Variants in HAP1 observed in about 807,000 individuals in gnomAD.
HAP1 encodes the protein huntingtin associated protein 1.
HAP1 carries 59 observed loss-of-function variants against 60.3 expected under a neutral mutation model. That is an observed-to-expected ratio of 0.98 (90% CI 0.79 to 1.22). The LOEUF (loss-of-function observed/expected upper bound fraction) is 1.22, where lower values mean the gene tolerates loss of function less well. Among genes scored for constraint, HAP1 ranks in the 50% most tolerant of loss-of-function variants. The pLI, the probability that HAP1 is intolerant of heterozygous loss-of-function variation, is 0.00. For synonymous variants in HAP1, 346 were observed against 330.6 expected, an observed-to-expected ratio of 1.05 and a Z score of -0.50; for missense variants, 825 against 785.3, an observed-to-expected ratio of 1.05 and a Z score of -0.60.
chr17:41,727,315 G>C (rs1911735017), intron 8 of HAP1, 171 bp from the exon 9 acceptor site: 1 of 780,908 alleles, frequency 1.3e-6, no homozygotes, highest in Non-Finnish European at 2.4e-6. Context: ...ACGCTGTATG[G>C]GTAATGGGTG....
At chr17:41,718,815 G>A (rs781875410), downstream of HAP1, among the ~76,000 whole-genome samples, 7 of 152,134 alleles carry the variant, frequency 4.6e-5, no homozygotes, top group South Asian at 4.1e-4. Flanking sequence ...GTAACCTTAC[G>A]TCCACCAAGG....
rs1555587802 is a variant in HAP1, at chr17:41,724,008, G to A, written c.*693C>T. ...GGGAGCTGATGCACGTGCAATGGCT[G>A]CTGTGCATGAGTGTCACAAGGTCAT... On this transcript the variant is annotated 3_prime_UTR_variant, in exon 11 of 11. Coordinates refer to ENST00000347901, the MANE Select transcript of HAP1 (RefSeq NM_177977.3). 2 of 152,404 alleles carry A rather than the reference G, an allele frequency of 1.3e-5. No homozygotes were observed. Among genetic ancestry groups the A allele is most frequent in the East Asian group, 3.8e-4 (2 of 5,202 alleles). 9.4% of individuals were successfully genotyped at this position (152,404 alleles called of 1,614,324 possible).
At position 41,734,526 on chromosome 17, in the gene HAP1, G is replaced by A. The variant is rs782522189; in HGVS notation, c.109C>T (p.Pro37Ser). Residue 37 changes from proline to serine, a missense_variant, in exon 1 of 11, where the codon CCC becomes TCC. Physicochemically the swap from Pro to Ser is moderately conservative, Grantham distance 74. Coordinates refer to ENST00000347901, the MANE Select transcript of HAP1 (RefSeq NM_177977.3). Reference protein sequence around the residue: ...PSPSASPAPEPSAQPQARGTG... With the variant: ...PSPSASPAPESSAQPQARGTG... ...CCCCGTGCCTGCGGCTGCGCAGAGGGCTCCGGAGCGGGACTGGCTGAGGGC... is the reference window on the plus strand; with the variant it reads ...CCCCGTGCCTGCGGCTGCGCAGAGGACTCCGGAGCGGGACTGGCTGAGGGC... 8.6e-5 allele frequency: 139 copies of A among 1,611,404 alleles called. 1 individual carries two copies. Among genetic ancestry groups the A allele is most frequent in the Non-Finnish European group, 1.1e-4 (135 of 1,179,602 alleles).
rs374865343 is a variant in HAP1, at chr17:41,728,303, C to T, written c.1098G>A (p.Leu366=). The change falls in exon 7 of 11, where the codon CTG becomes CTA. Residue 366 remains leucine, a synonymous_variant. Coordinates refer to ENST00000347901, the MANE Select transcript of HAP1 (RefSeq NM_177977.3). ...CCAGCCTGAGCACCAGCACCTCCGA[C>T]AGCTCAGCCATCTGTTGGCTGGCCT... ...FSEASQQMAE[L]SEVLVLRLEN... 6 of 1,613,512 alleles carry T rather than the reference C, an allele frequency of 3.7e-6. No individual in the cohort carries two copies. The highest frequency in any genetic ancestry group is 5.1e-6 in the Non-Finnish European group (6 of 1,180,018).
rs553396757 is a variant in HAP1 at position 41,726,345 on chromosome 17, C to T, written c.1368-448G>A. On this transcript the variant is annotated intron_variant, in intron 9 of 10. Transcript: ENST00000347901. The stretch of plus-strand genomic sequence containing the variant: ...AGGAGAATCGCTTGAACCCAGGAGG[C>T]GGAGGTTGCAGTAAGCCGAGATCAC... Among the ~76,000 whole-genome samples the T allele has an allele frequency of 3.5e-3, 516 of 146,782 alleles. 6 individuals are homozygous for T. Among genetic ancestry groups the T allele is most frequent in the African/African-American group, 0.013 (507 of 39,586 alleles).
chr17:41,718,263 C>T, downstream of HAP1: 1 of 235,148 alleles, frequency 4.3e-6, no homozygotes, highest in East Asian at 8.4e-5. Context: ...CACAGAGCAT[C>T]TTCAACAAAG....
chr17:41,732,022 C>T lies in HAP1; in HGVS notation c.811G>A (p.Glu271Lys), dbSNP rs1555591185. 6.6e-7 allele frequency: 1 copy of T among 1,511,918 alleles called. No individual in the cohort carries two copies. The highest frequency in any genetic ancestry group is 1.1e-5 in the South Asian group (1 of 88,798). 93.7% of individuals were successfully genotyped at this position (1,511,918 alleles called of 1,614,324 possible). Residue 271 changes from glutamate (E) to lysine (K), a missense_variant, in exon 4 of 11, where the codon GAA (glutamate) becomes AAA (lysine). Glu to Lys is a moderately conservative substitution (Grantham distance 56). Transcript: ENST00000347901. ...TGTTCCTCTTCTGCCTCCTTTTCTT[C>T]CTCCTCCTCTTCTTCATCCTCATCC... ...EEDEDEEEEE[E>K]EKEAEEEQEE... is the part of the protein sequence containing the mutation.
chr17:41,734,219 C>T lies in HAP1; in HGVS notation c.416G>A (p.Arg139Gln). The T allele has an allele frequency of 3.8e-6, 6 of 1,599,186 alleles. No homozygotes were observed. The highest frequency in any genetic ancestry group is 5.1e-6 in the Non-Finnish European group (6 of 1,169,426). The change falls in exon 1 of 11, where the codon CGA becomes CAA. Residue 139 changes from arginine (R) to glutamine (Q), a missense_variant. Coordinates refer to ENST00000347901, the MANE Select transcript of HAP1 (RefSeq NM_177977.3). ...WKTPAAYVGR[R>Q]PGVSGPERAA... ...GCGCTCAGGGCCGGACACCCCGGGTCGCCGGCCAACGTAGGCGGCTGGCGT... is the reference window on the plus strand; with the variant it reads ...GCGCTCAGGGCCGGACACCCCGGGTTGCCGGCCAACGTAGGCGGCTGGCGT...
chr17:41,719,668 G>A (rs1911118398), downstream of HAP1, among the ~76,000 whole-genome samples: 1 of 148,016 alleles, frequency 6.8e-6, no homozygotes, highest in African/African-American at 2.5e-5. Flanking sequence ...ACTCCAGCCT[G>A]GGAGACAGGG....
intron 1 of HAP1, among the ~76,000 whole-genome samples, chr17:41,733,422 C>T (rs1196196143): frequency 6.9e-6 from 1 of 144,808 alleles, no homozygotes; most frequent in Admixed American, 7.1e-5. Context: ...CCTCCAGGCT[C>T]AGAAACTGGG....
rs782136478 is a variant in HAP1, at chr17:41,731,511, C to G, written c.1051G>C (p.Glu351Gln). The change falls in exon 6 of 11, where the codon GAG becomes CAG. Residue 351 changes from glutamate to glutamine, a missense_variant. Physicochemically the swap from Glu to Gln is conservative, Grantham distance 29 (BLOSUM62 2). Coordinates refer to ENST00000347901, the MANE Select transcript of HAP1 (RefSeq NM_177977.3). Reference sequence around the variant, plus strand: ...TACGTACAAAACTGCTCCACACACTCCAGAATGAGCATCTGTTCCTCATCC... The same window carrying G: ...TACGTACAAAACTGCTCCACACACTGCAGAATGAGCATCTGTTCCTCATCC... ...LEDEEQMLIL[E>Q]CVEQFSEASQ... 2.2e-5 allele frequency: 36 copies of G among 1,611,714 alleles called. No homozygotes were observed. Among genetic ancestry groups the G allele is most frequent in the Non-Finnish European group, 2.8e-5 (33 of 1,177,918 alleles).
rs1266581920 is a variant in HAP1 at position 41,724,888 on chromosome 17, G to A, written c.1673C>T (p.Ser558Leu). The A allele has an allele frequency of 1.9e-6, 3 of 1,612,906 alleles. No individual in the cohort carries two copies. The African/African-American group carries it at 4.0e-5, about 22-fold the overall frequency. Residue 558 changes from serine (S) to leucine (L), a missense_variant, in exon 11 of 11, where the codon TCA (serine) becomes TTA (leucine). Ser to Leu is a moderately radical substitution (Grantham distance 145, BLOSUM62 -2). Transcript: ENST00000347901. ...GCCCAAGCCGCTGGCCTCCAGGGCTGATGTCACCACGTTCATCCGCGTTGC... is the reference window on the plus strand; with the variant it reads ...GCCCAAGCCGCTGGCCTCCAGGGCTAATGTCACCACGTTCATCCGCGTTGC... ...DEATRMNVVT[S>L]ALEASGLGPS...
At position 41,724,817 on chromosome 17, in the gene HAP1, A is replaced by C; in HGVS notation, c.1744T>G (p.Trp582Gly). Reference protein sequence around the residue: ...MNYVLQQLANWQDAHYRRQLR... With the variant: ...MNYVLQQLANGQDAHYRRQLR... ...TGCCGCCTGTAATGGGCATCTTGCCAGTTGGCCAGCTGCTGGAGGACATAA... is the reference window on the plus strand; with the variant it reads ...TGCCGCCTGTAATGGGCATCTTGCCCGTTGGCCAGCTGCTGGAGGACATAA... Residue 582 changes from tryptophan (W) to glycine (G), a missense_variant, in exon 11 of 11, where the codon TGG becomes GGG. Physicochemically the swap from Trp to Gly is radical, Grantham distance 184. Transcript: ENST00000347901. The C allele has an allele frequency of 6.2e-7, 1 of 1,613,206 alleles. No individual in the cohort carries two copies. The highest frequency in any genetic ancestry group is 1.1e-5 in the South Asian group (1 of 91,084).
chr17:41,731,147 G>A (rs550099687), intron 6 of HAP1, among the ~76,000 whole-genome samples: 3 of 152,122 alleles, frequency 2.0e-5, no homozygotes, highest in Admixed American at 2.0e-4. Context: ...CTGACCTCAG[G>A]TGATCCGCCG....
chr17:41,725,991 C>G, intron 9 of HAP1, 94 bp from the exon 10 acceptor site: 1 of 929,238 alleles, frequency 1.1e-6, no homozygotes, highest in Non-Finnish European at 1.8e-6. Flanking sequence ...AGGTAGTGGC[C>G]ATGAGCAGTG....
Position 41,734,442 on chromosome 17 carries a change from G to A in HAP1, c.193C>T (p.Arg65Cys). 6.2e-7 allele frequency: 1 copy of A among 1,608,522 alleles called. No individual in the cohort carries two copies. The highest frequency in any genetic ancestry group is 8.5e-7 in the Non-Finnish European group (1 of 1,176,574). The change falls in exon 1 of 11, where the codon CGC becomes TGC. Residue 65 changes from arginine (R) to cysteine (C), a missense_variant. By Grantham distance (180) the Arg-to-Cys change is radical. Transcript: ENST00000347901. ...TCCGAGGCCGGGCGAGCTCCGGTGC[G>A]GGCTTCCGAGAGGAACTGGGATCCA... Reference protein sequence around the residue: ...TSGSQFLSEARTGARPASEAG... With the variant: ...TSGSQFLSEACTGARPASEAG...
intron 8 of HAP1, chr17:41,727,420 G>T (rs11867808): frequency 1.3e-6 from 1 of 778,918 alleles, no homozygotes; most frequent in East Asian, 2.4e-5. Flanking sequence ...TACTTCTCCC[G>T]CAGGTCCTGC....
chr17:41,719,383 A>G (rs1911107151), downstream of HAP1, among the ~76,000 whole-genome samples: 1 of 152,222 alleles, frequency 6.6e-6, no homozygotes, highest in African/African-American at 2.4e-5. Context: ...CATCATTGCC[A>G]GAAATACCAT....
Position 41,731,650 on chromosome 17 carries a change from C to T in HAP1, c.990G>A (p.Gln330=), listed in dbSNP as rs1912208455. The T allele has an allele frequency of 2.5e-6, 4 of 1,613,646 alleles. No homozygotes were observed. Among genetic ancestry groups the T allele is most frequent in the Admixed American group, 3.3e-5 (2 of 60,008 alleles). The change falls in exon 5 of 11, where the codon CAG becomes CAA. Residue 330 remains glutamine, a synonymous_variant. Coordinates refer to ENST00000347901, the MANE Select transcript of HAP1 (RefSeq NM_177977.3). ...CCCCCATTCTCACCTCTTCTCTCAGCTGATGATTCTCCTCCTCCAGCAGCC... is the reference window on the plus strand; with the variant it reads ...CCCCCATTCTCACCTCTTCTCTCAGTTGATGATTCTCCTCCTCCAGCAGCC... ...KLRLLEEENH[Q]LREEASQLDT...
Sources: gnomAD v4.1 joint callset for allele counts (sites outside exome capture counted in the v4.1 genomes callset) on GRCh38, gnomAD v4.1.1 for gene constraint, MANE v1.5 for transcripts, NCBI Gene and HGNC (gene_info 2026-07-23, HGNC 2026-07-21) for gene names.